FSTL5: variants seen among roughly 807,000 people sequenced by gnomAD.
FSTL5 encodes the protein follistatin-related protein 5.
FSTL5 carries 62 observed loss-of-function variants against 89.1 expected under a neutral mutation model. The observed-to-expected ratio is 0.70, with a 90% CI of 0.57 to 0.86. The LOEUF (loss-of-function observed/expected upper bound fraction) is 0.86, where lower values mean the gene tolerates loss of function less well. Ranked by LOEUF, FSTL5 falls within the 40% of genes least tolerant of loss-of-function variation. The probability of loss-of-function intolerance (pLI) is 0.00; values close to 1 mark genes in which losing one functional copy is unlikely to be tolerated. For synonymous variants in FSTL5, 383 were observed against 346.2 expected, an observed-to-expected ratio of 1.11 and a Z score of -1.18; for missense variants, 1,057 against 1,001.6, an observed-to-expected ratio of 1.06 and a Z score of -0.75.
At position 161,633,307 on chromosome 4, in the gene FSTL5, T is replaced by TTAC. The variant is rs1245311486; in HGVS notation, c.894+23020_894+23021insGTA. ...CTAATTCTTTTTATTATTATTATTA[T>TTAC]TATTATTATTATTATTATTATACTT... is the stretch of plus-strand genomic sequence containing the variant. On this transcript the variant is annotated intron_variant, in intron 7 of 15. Coordinates refer to ENST00000306100, the MANE Select transcript of FSTL5 (RefSeq NM_020116.5). Among the ~76,000 whole-genome samples, 9 of 146,754 alleles carry TTAC rather than the reference T, an allele frequency of 6.1e-5. No homozygotes were observed. In the East Asian group the frequency reaches 1.8e-3, roughly 29 times the overall value.
At chr4:161,777,964 C>T (rs1579085032) in intron 4 of FSTL5, among the ~76,000 whole-genome samples, 1 of 151,972 alleles carries the variant, frequency 6.6e-6, no homozygotes, top group African/African-American at 2.4e-5. Flanking sequence ...CACGATGGCA[C>T]GTGCCTCTAA....
chr4:161,895,526 T>A lies in FSTL5; in HGVS notation c.409+24878A>T, dbSNP rs531113107. ...AATGAAGCTGACTTTATACTCAGAT[T>A]TTTTGGAGTTAGGTTCAGAATTTTT... On this transcript the variant is annotated intron_variant, in intron 4 of 15. Coordinates refer to ENST00000306100, the MANE Select transcript of FSTL5 (RefSeq NM_020116.5). Among the ~76,000 whole-genome samples, 5 of 152,258 alleles carry A rather than the reference T, an allele frequency of 3.3e-5. No homozygotes were observed. The South Asian group carries it at 1.0e-3, about 32-fold the overall frequency.
At chr4:161,703,780 A>G (rs1370711353) in intron 6 of FSTL5, among the ~76,000 whole-genome samples, 1 of 152,136 alleles carries the variant, frequency 6.6e-6, no homozygotes, top group East Asian at 1.9e-4. Context: ...TTTTTCAGTT[A>G]CCTGCTATAA....
intron 3 of FSTL5, among the ~76,000 whole-genome samples, chr4:161,930,983 A>G (rs1332680485): frequency 6.6e-6 from 1 of 151,960 alleles, no homozygotes; most frequent in Non-Finnish European, 1.5e-5. Flanking sequence ...ATGATAAAAG[A>G]AGGGAACTTA....
chr4:162,093,662 C>T (rs946792588), intron 2 of FSTL5, among the ~76,000 whole-genome samples: 5 of 151,946 alleles, frequency 3.3e-5, no homozygotes, highest in Non-Finnish European at 5.9e-5. Context: ...GCTATAAAAA[C>T]TTTAAACTGG....
chr4:162,009,741 T>G (rs1736708091), intron 3 of FSTL5, among the ~76,000 whole-genome samples: 1 of 152,086 alleles, frequency 6.6e-6, no homozygotes, highest in South Asian at 2.1e-4. Context: ...CATTCCTACA[T>G]TATTCTATGA....
At chr4:161,998,973 G>C (rs1277510859) in intron 3 of FSTL5, among the ~76,000 whole-genome samples, 1 of 151,852 alleles carries the variant, frequency 6.6e-6, no homozygotes, top group Non-Finnish European at 1.5e-5. Context: ...ATGTGATGCT[G>C]GTTAGTTGTG....
intron 4 of FSTL5, among the ~76,000 whole-genome samples, chr4:161,887,509 ACT>A (rs1212090427): frequency 2.0e-5 from 3 of 151,754 alleles, no homozygotes; most frequent in Non-Finnish European, 4.4e-5. Context: ...TATTTATACC[ACT>A]GAGTCTCTAT....
intron 12 of FSTL5, among the ~76,000 whole-genome samples, chr4:161,490,111 A>C (rs1182066012): frequency 1.3e-5 from 2 of 152,150 alleles, no homozygotes; most frequent in African/African-American, 4.8e-5. Flanking sequence ...AGTTGGATTT[A>C]ATTCACTCTG....
intron 6 of FSTL5, among the ~76,000 whole-genome samples, chr4:161,659,130 A>C (rs1023567106): frequency 1.3e-5 from 2 of 152,194 alleles, no homozygotes; most frequent in African/African-American, 2.4e-5. Flanking sequence ...AGAATAAAGA[A>C]TTACTATTCA....
intron 4 of FSTL5, among the ~76,000 whole-genome samples, chr4:161,812,747 A>G (rs1258735522): frequency 6.6e-6 from 1 of 151,926 alleles, no homozygotes; most frequent in African/African-American, 2.4e-5. Flanking sequence ...TTTCAACAAT[A>G]TTAGCTCAGT....
chr4:161,714,088 T>C (rs1261279832), intron 6 of FSTL5, among the ~76,000 whole-genome samples: 1 of 152,204 alleles, frequency 6.6e-6, no homozygotes, highest in African/African-American at 2.4e-5. Context: ...GCTTTTTCTG[T>C]TTGTTGGTCA....
chr4:161,872,135 T>TG (rs199727027), intron 4 of FSTL5, among the ~76,000 whole-genome samples: 13 of 99,638 alleles, frequency 1.3e-4, no homozygotes, highest in Admixed American at 2.3e-4. Flanking sequence ...TTTGTTTTTT[T>TG]TTTTGGTTTT....
rs186069243 is a variant in FSTL5, at chr4:161,677,360, T to C, written c.728-20866A>G. Among the ~76,000 whole-genome samples, 274 of 151,954 alleles carry C rather than the reference T, an allele frequency of 1.8e-3. 2 individuals carry two copies. The highest frequency in any genetic ancestry group is 6.5e-3 in the African/African-American group (269 of 41,494). On this transcript the variant is annotated intron_variant, in intron 6 of 15. Coordinates refer to ENST00000306100, the MANE Select transcript of FSTL5 (RefSeq NM_020116.5). The stretch of plus-strand genomic sequence containing the variant: ...AAGAGTAAAACAAAACAGGAATAAA[T>C]AAAGCATGGCATCTCAGGGAAAAAT...
chr4:161,934,539 T>G (rs1233637393), intron 3 of FSTL5, among the ~76,000 whole-genome samples: 1 of 152,116 alleles, frequency 6.6e-6, no homozygotes, highest in East Asian at 1.9e-4. Context: ...TAGAAGCATT[T>G]GATCTGACCT....
At chr4:161,430,245 G>A (rs1732311449) in intron 15 of FSTL5, among the ~76,000 whole-genome samples, 1 of 151,920 alleles carries the variant, frequency 6.6e-6, no homozygotes. Flanking sequence ...ACGAGATCTA[G>A]GAAATATCCT....
At chr4:161,560,495 CTG>C in intron 8 of FSTL5, among the ~76,000 whole-genome samples, 1 of 151,922 alleles carries the variant, frequency 6.6e-6, no homozygotes, top group African/African-American at 2.4e-5. Flanking sequence ...CTTTTTGACT[CTG>C]TAATAACACT....
chr4:162,114,289 A>C (rs1731551814), intron 1 of FSTL5, among the ~76,000 whole-genome samples: 1 of 152,176 alleles, frequency 6.6e-6, no homozygotes, highest in South Asian at 2.1e-4. Context: ...AGAGCCAAAA[A>C]TAAAGCAAAA....
At chr4:161,733,570 AC>A (rs1354006974) in intron 6 of FSTL5, among the ~76,000 whole-genome samples, 1 of 152,054 alleles carries the variant, frequency 6.6e-6, no homozygotes, top group Non-Finnish European at 1.5e-5. Flanking sequence ...GCAGATGCTT[AC>A]TTCTCAGTCG....
Sources: allele counts gnomAD v4.1 joint callset (sites outside exome capture counted in the v4.1 genomes callset), GRCh38; gene constraint gnomAD v4.1.1; transcripts MANE v1.5; gene names NCBI Gene and HGNC (gene_info 2026-07-23, HGNC 2026-07-21).